Variants in ALDH1L1 observed in about 807,000 individuals in gnomAD.
The protein encoded by ALDH1L1 is cytosolic 10-formyltetrahydrofolate dehydrogenase.
Under a neutral mutation model 101.1 loss-of-function variants are expected in ALDH1L1, and 68 were observed. The ratio of observed to expected loss-of-function variants is 0.67; its 90% CI spans 0.55 to 0.82. ALDH1L1 has a LOEUF of 0.82. Among genes scored for constraint, ALDH1L1 ranks in the 40% least tolerant of loss-of-function variants. The pLI is 0.00. For missense variants in ALDH1L1, 1,087 were observed against 1,172.7 expected, an observed-to-expected ratio of 0.93 and a Z score of 1.07; for synonymous variants, 486 against 470.8, an observed-to-expected ratio of 1.03 and a Z score of -0.42.
At chr3:126,145,062 C>G (rs2080646852) in intron 9 of ALDH1L1, among the ~76,000 whole-genome samples, 1 of 151,996 alleles carries the variant, frequency 6.6e-6, no homozygotes, top group Admixed American at 6.6e-5. Context: ...ACATGACCAA[C>G]AGGTATATGA....
At chr3:126,181,765 T>C (rs1354146889), upstream of ALDH1L1, among the ~76,000 whole-genome samples, 1 of 152,266 alleles carries the variant, frequency 6.6e-6, no homozygotes, top group East Asian at 1.9e-4. Context: ...TGATGGCTTG[T>C]AGCAGTTGCT....
chr3:126,186,933 C>T (rs553598753), intron 1 of ALDH1L1, among the ~76,000 whole-genome samples: 44 of 152,252 alleles, frequency 2.9e-4, no homozygotes, highest in Non-Finnish European at 5.6e-4. Flanking sequence ...TAGCACCAGC[C>T]GCCACCACCT....
At chr3:126,155,628 C>T (rs2080889881) in intron 4 of ALDH1L1, 125 bp from the exon 5 acceptor site, 2 of 693,812 alleles carry the variant, frequency 2.9e-6, no homozygotes, top group South Asian at 4.5e-5. Flanking sequence ...ACAGCAGTCA[C>T]CCAAGAAACA....
At chr3:126,121,237 C>T (rs1043152434) in intron 16 of ALDH1L1, among the ~76,000 whole-genome samples, 3 of 152,206 alleles carry the variant, frequency 2.0e-5, no homozygotes, top group African/African-American at 7.2e-5. Flanking sequence ...CTAACACCTT[C>T]CATCCAGACT....
At chr3:126,161,075 G>C in intron 1 of ALDH1L1, 73 bp from the exon 2 acceptor site, 1 of 1,522,136 alleles carries the variant, frequency 6.6e-7, no homozygotes, top group Non-Finnish European at 8.8e-7. Context: ...TTCAAGACAG[G>C]GCAGTTCATG....
At chr3:126,149,975 G>A (rs765827968) in intron 8 of ALDH1L1, among the ~76,000 whole-genome samples, 1 of 152,192 alleles carries the variant, frequency 6.6e-6, no homozygotes, top group African/African-American at 2.4e-5. Context: ...GCATCATATT[G>A]GGGCAAAGCT....
In ALDH1L1 at chr3:126,174,280, T is replaced by C. The variant is rs185351335; in HGVS notation, c.-24+6196A>G. 5.3e-5 allele frequency among the ~76,000 whole-genome samples: 8 copies of C among 152,276 alleles called. No individual in the cohort carries two copies. The East Asian group carries it at 1.5e-3, about 29-fold the overall frequency. ...CCTGACCTCAGGTGATCTGCCCACCTCGGCCTCCCAAAGTGCTGGTATTAC... is the reference window on the plus strand; with the variant it reads ...CCTGACCTCAGGTGATCTGCCCACCCCGGCCTCCCAAAGTGCTGGTATTAC... On this transcript the variant is annotated intron_variant, in intron 1 of 22. Transcript: ENST00000393434.
At chr3:126,126,578 G>GC (rs1429323347) in intron 14 of ALDH1L1, among the ~76,000 whole-genome samples, 1 of 122,142 alleles carries the variant, frequency 8.2e-6, no homozygotes, top group Non-Finnish European at 1.9e-5. Context: ...TAGGGGAGCT[G>GC]CCCCACACCC....
chr3:126,153,738 T>A (rs2108286086), intron 6 of ALDH1L1, among the ~76,000 whole-genome samples, 157 bp from the exon 7 acceptor site: 1 of 152,204 alleles, frequency 6.6e-6, no homozygotes, highest in Middle Eastern at 3.4e-3. Flanking sequence ...TGAGGCCCTT[T>A]CTCCTGGGGC....
rs751575677 is a variant in ALDH1L1, at chr3:126,137,831, G to A, written c.1206C>T (p.Gly402=). ...VRKLRGDDEE[G]ECSIDYVEMA... ...CACTCACGTAGTCAATGCTGCACTC[G>A]CCCTCCTCATCGTCCCCTCGCAGCT... The change falls in exon 10 of 23, where the codon GGC becomes GGT. Residue 402 remains glycine (G), a synonymous_variant. Coordinates refer to ENST00000393434, the MANE Select transcript of ALDH1L1 (RefSeq NM_012190.4). 5 of 1,614,012 alleles carry A rather than the reference G, an allele frequency of 3.1e-6. No individual in the cohort carries two copies. The highest frequency in any genetic ancestry group is 1.1e-5 in the South Asian group (1 of 91,046).
chr3:126,129,186 T>C (rs1217917946), intron 14 of ALDH1L1: 1 of 152,224 alleles, frequency 6.6e-6, no homozygotes, highest in African/African-American at 2.4e-5. Flanking sequence ...GCTCTAAGGG[T>C]CCACAGCCCA....
At chr3:126,165,032 T>C (rs183835731) in intron 1 of ALDH1L1, among the ~76,000 whole-genome samples, 40 of 152,306 alleles carry the variant, frequency 2.6e-4, no homozygotes, top group Non-Finnish European at 5.3e-4. Flanking sequence ...TATTGAAATG[T>C]TCCTCATTTG....
intron 1 of ALDH1L1, among the ~76,000 whole-genome samples, chr3:126,175,733 A>T (rs1043495024): frequency 1.3e-5 from 2 of 152,172 alleles, no homozygotes; most frequent in Non-Finnish European, 2.9e-5. Flanking sequence ...TACAGCTAAC[A>T]TCATACTTAA....
intron 1 of ALDH1L1, among the ~76,000 whole-genome samples, chr3:126,172,049 T>G (rs1403894470): frequency 6.6e-6 from 1 of 152,174 alleles, no homozygotes; most frequent in African/African-American, 2.4e-5. Context: ...AATTATATCC[T>G]CTGATACCCA....
At chr3:126,188,414 C>A (rs766490052) in intron 1 of ALDH1L1, among the ~76,000 whole-genome samples, 3 of 152,170 alleles carry the variant, frequency 2.0e-5, no homozygotes, top group Non-Finnish European at 2.9e-5. Flanking sequence ...GGAACCAATG[C>A]CTTGCAGATA....
At chr3:126,183,764 G>C (rs2081495226), upstream of ALDH1L1, among the ~76,000 whole-genome samples, 1 of 152,182 alleles carries the variant, frequency 6.6e-6, no homozygotes, top group Non-Finnish European at 1.5e-5. Context: ...TAAGTCTGTA[G>C]ATTGAGAGCA....
intron 9 of ALDH1L1, among the ~76,000 whole-genome samples, chr3:126,141,260 A>C (rs2080562281): frequency 6.6e-6 from 1 of 152,098 alleles, no homozygotes; most frequent in Non-Finnish European, 1.5e-5. Flanking sequence ...TATATGAAGC[A>C]AAAATGGACA....
chr3:126,145,867 C>T (rs1054961170), intron 9 of ALDH1L1, among the ~76,000 whole-genome samples: 2 of 152,170 alleles, frequency 1.3e-5, no homozygotes, highest in East Asian at 1.9e-4. Flanking sequence ...ATACTCTTAA[C>T]TATTTACAGA....
rs1483487813 is a variant in ALDH1L1, at chr3:126,131,598, A to G, written c.1473-64T>C. The G allele has an allele frequency of 2.6e-6, 4 of 1,534,276 alleles. No individual in the cohort carries two copies. The African/African-American group carries it at 4.1e-5, about 16-fold the overall frequency. Reference sequence around the variant, plus strand: ...CTGGCACGGCCTCATCTGCCCTCACAAGGCCCTTCTTCAAGGAGCTGGGGT... The same window carrying G: ...CTGGCACGGCCTCATCTGCCCTCACGAGGCCCTTCTTCAAGGAGCTGGGGT... On this transcript the variant is annotated intron_variant, in intron 12 of 22. Transcript: ENST00000393434.
Sources: gnomAD v4.1 joint callset for allele counts (sites outside exome capture counted in the v4.1 genomes callset) on GRCh38, gnomAD v4.1.1 for gene constraint, MANE v1.5 for transcripts, NCBI Gene and HGNC (gene_info 2026-07-23, HGNC 2026-07-21) for gene names.